ZSWIM6: variants seen among roughly 807,000 people sequenced by gnomAD.
ZSWIM6 encodes the protein zinc finger SWIM domain-containing protein 6.
In ZSWIM6, 9 loss-of-function variants were observed where a neutral mutation model predicts 113.2. That is an observed-to-expected ratio of 0.08 (90% CI 0.05 to 0.14). The LOEUF is 0.14. ZSWIM6 is among the 10% of genes least tolerant of loss of function. The probability of loss-of-function intolerance (pLI) is 1.00; values close to 1 mark genes in which losing one functional copy is unlikely to be tolerated. For missense variants in ZSWIM6, 1,162 were observed against 1,552.2 expected (o/e 0.75, Z 4.22); for synonymous variants, 611 against 606.5 (o/e 1.01, Z -0.11).
chr5:61,513,581 CT>C (rs759849857), intron 4 of ZSWIM6, among the ~76,000 whole-genome samples: 1 of 152,034 alleles, frequency 6.6e-6, no homozygotes, highest in East Asian at 1.9e-4. Context: ...TTCTCCTAAA[CT>C]TTTTTCTAGC....
At chr5:61,448,273 G>A (rs115057179) in intron 1 of ZSWIM6, among the ~76,000 whole-genome samples, 2,491 of 152,186 alleles carry the variant, frequency 0.016, 27 homozygotes, top group Non-Finnish European at 0.026. Flanking sequence ...GTATTTTATT[G>A]AGTTGTAAAA....
intron 4 of ZSWIM6, among the ~76,000 whole-genome samples, chr5:61,515,395 A>G (rs750279296): frequency 1.3e-5 from 2 of 152,110 alleles, no homozygotes; most frequent in African/African-American, 4.8e-5. Flanking sequence ...TCAGTCTCCC[A>G]AAGTGCTGGG....
At chr5:61,373,816 T>C (rs1745316088) in intron 1 of ZSWIM6, among the ~76,000 whole-genome samples, 1 of 152,186 alleles carries the variant, frequency 6.6e-6, no homozygotes, top group South Asian at 2.1e-4. Context: ...GAGAACTTTT[T>C]TTTGATATCT....
intron 1 of ZSWIM6, among the ~76,000 whole-genome samples, chr5:61,410,328 T>TC (rs1208193162): frequency 2.3e-4 from 35 of 150,414 alleles, no homozygotes; most frequent in African/African-American, 8.3e-4. Flanking sequence ...TTTTTTTTTT[T>TC]CAGACGGAGT....
intron 11 of ZSWIM6, 38 bp downstream of exon 11, chr5:61,539,009 C>T (rs1749657947): frequency 6.2e-6 from 9 of 1,449,138 alleles, no homozygotes; most frequent in Non-Finnish European, 7.3e-6. Context: ...TTGTTTCATT[C>T]GTTTGCCTGT....
At chr5:61,426,221 T>A (rs1242214464) in intron 1 of ZSWIM6, among the ~76,000 whole-genome samples, 1 of 152,234 alleles carries the variant, frequency 6.6e-6, no homozygotes, top group East Asian at 1.9e-4. Context: ...ACTATACTTA[T>A]CAAATTAAAT....
At chr5:61,494,126 A>ACG (rs1748257576) in intron 3 of ZSWIM6, 134 bp from the exon 4 acceptor site, 1 of 813,908 alleles carries the variant, frequency 1.2e-6, no homozygotes, top group African/African-American at 1.7e-5. Flanking sequence ...CCTCCACCAC[A>ACG]CACACACACA....
In ZSWIM6 at chr5:61,544,529, TA is replaced by T. The variant is rs1201763193; in HGVS notation, c.*213del. On this transcript the variant is annotated 3_prime_UTR_variant, in exon 14 of 14. Transcript: ENST00000252744. ...TATTTCTTTCTTTCCTTTATTTTAT[TA>T]TTTTTTTTAATTTTTTTTTTCTGGT... 37 of 266,684 alleles carry T rather than the reference TA, an allele frequency of 1.4e-4. No homozygotes were observed. Among genetic ancestry groups the T allele is most frequent in the Non-Finnish European group, 2.2e-4 (32 of 144,524 alleles). 16.5% of individuals were successfully genotyped at this position (266,684 alleles called of 1,614,324 possible). A position where few individuals can be genotyped will look rare whatever the true frequency, so the allele number is the denominator to read the frequency against.
chr5:61,401,933 T>C (rs1213932109), intron 1 of ZSWIM6, among the ~76,000 whole-genome samples: 1 of 152,132 alleles, frequency 6.6e-6, no homozygotes, highest in East Asian at 1.9e-4. Flanking sequence ...CTTCCCCTTT[T>C]CTCCCTCCTG....
intron 1 of ZSWIM6, among the ~76,000 whole-genome samples, chr5:61,376,988 G>T (rs1745385725): frequency 6.6e-6 from 1 of 151,540 alleles, no homozygotes. Flanking sequence ...AGCCTGGTAT[G>T]CTGTGTCTTA....
intron 1 of ZSWIM6, among the ~76,000 whole-genome samples, chr5:61,429,610 A>G (rs753879301): frequency 2.0e-5 from 3 of 152,226 alleles, no homozygotes; most frequent in Non-Finnish European, 4.4e-5. Context: ...CTGTGGAGCT[A>G]GCCAGCAAAC....
chr5:61,444,815 A>T (rs1236245964), intron 1 of ZSWIM6, among the ~76,000 whole-genome samples: 4 of 152,018 alleles, frequency 2.6e-5, no homozygotes, highest in Admixed American at 6.6e-5. Context: ...AATAGCTTTA[A>T]TTTTTTTGGC....
In ZSWIM6 at chr5:61,494,356, C is replaced by T. The variant is rs576961780; in HGVS notation, c.1279C>T (p.Arg427Trp). Reference protein sequence around the residue: ...FMADPRLSLWRQQGTAMTDKY... With the variant: ...FMADPRLSLWWQQGTAMTDKY... Reference sequence around the variant, plus strand: ...GGCTGACCCTCGCCTGTCACTTTGGCGGCAACAAGGCACTGCAATGACTGA... The same window carrying T: ...GGCTGACCCTCGCCTGTCACTTTGGTGGCAACAAGGCACTGCAATGACTGA... The change falls in exon 4 of 14, where the codon CGG becomes TGG. Residue 427 changes from arginine (R) to tryptophan (W), a missense_variant. Coordinates refer to ENST00000252744, the MANE Select transcript of ZSWIM6 (RefSeq NM_020928.2). 3.9e-6 allele frequency: 6 copies of T among 1,551,042 alleles called. No homozygotes were observed. Among genetic ancestry groups the T allele is most frequent in the South Asian group, 1.2e-5 (1 of 84,044 alleles).
intron 2 of ZSWIM6, among the ~76,000 whole-genome samples, chr5:61,485,188 C>T (rs1747984043): frequency 6.6e-6 from 1 of 152,100 alleles, no homozygotes; most frequent in Admixed American, 6.6e-5. Context: ...TGGAGCTTCA[C>T]CTCTATATAC....
At chr5:61,488,155 G>T (rs1748072248) in intron 2 of ZSWIM6, among the ~76,000 whole-genome samples, 2 of 151,442 alleles carry the variant, frequency 1.3e-5, no homozygotes. Context: ...CTTTATTCTG[G>T]TATCACATTT....
intron 5 of ZSWIM6, among the ~76,000 whole-genome samples, chr5:61,524,529 T>C (rs1749227588): frequency 1.3e-5 from 2 of 152,206 alleles, no homozygotes; most frequent in Admixed American, 1.3e-4. Flanking sequence ...TGTTTTAATC[T>C]CCACTGTCAC....
intron 1 of ZSWIM6, among the ~76,000 whole-genome samples, chr5:61,361,170 G>T (rs1745026473): frequency 6.6e-6 from 1 of 152,214 alleles, no homozygotes; most frequent in South Asian, 2.1e-4. Context: ...CCTACCATGT[G>T]CCAGCACTGT....
At chr5:61,354,580 A>T (rs569326628) in intron 1 of ZSWIM6, among the ~76,000 whole-genome samples, 1 of 152,322 alleles carries the variant, frequency 6.6e-6, no homozygotes, top group East Asian at 1.9e-4. Flanking sequence ...TTATGGCAAG[A>T]GTTTTATGTG....
At chr5:61,336,970 C>T (rs1254123224) in intron 1 of ZSWIM6, among the ~76,000 whole-genome samples, 2 of 152,086 alleles carry the variant, frequency 1.3e-5, no homozygotes, top group African/African-American at 4.8e-5. Context: ...ACATACTCAT[C>T]TTCATTCTTA....
Sources: gnomAD v4.1 joint callset for allele counts (sites outside exome capture counted in the v4.1 genomes callset) on GRCh38, gnomAD v4.1.1 for gene constraint, MANE v1.5 for transcripts, NCBI Gene and HGNC (gene_info 2026-07-23, HGNC 2026-07-21) for gene names.